Variants in SCN2A observed in about 807,000 individuals in gnomAD.
SCN2A encodes sodium voltage-gated channel alpha subunit 2.
A neutral mutation model predicts 188.7 loss-of-function variants in SCN2A; 20 were observed. The observed-to-expected ratio is 0.11, with a 90% CI of 0.07 to 0.15. SCN2A has a LOEUF of 0.15. SCN2A is among the 10% of genes least tolerant of loss of function. SCN2A has a pLI of 1.00. For synonymous variants in SCN2A, 804 were observed against 833.1 expected, an observed-to-expected ratio of 0.97 and a Z score of 0.60; for missense variants, 1,278 against 2,445.0, an observed-to-expected ratio of 0.52 and a Z score of 10.07.
chr2:165,260,652 C>G lies in SCN2A; in HGVS notation c.-52+21012C>G, dbSNP rs947310879. Among the ~76,000 whole-genome samples, 4 of 151,998 alleles carry G rather than the reference C, an allele frequency of 2.6e-5. No individual in the cohort carries two copies. The South Asian group carries it at 6.2e-4, about 24-fold the overall frequency. ...TTCCAGGACTCAGATGAATACCAAACTCTGTGCAGTCCCTGATATAAAATG... is the reference window on the plus strand; with the variant it reads ...TTCCAGGACTCAGATGAATACCAAAGTCTGTGCAGTCCCTGATATAAAATG... On this transcript the variant is annotated intron_variant, in intron 1 of 26. Coordinates refer to ENST00000375437, the MANE Select transcript of SCN2A (RefSeq NM_001040142.2).
intron 1 of SCN2A, among the ~76,000 whole-genome samples, chr2:165,263,066 C>T (rs1052468952): frequency 6.2e-5 from 8 of 129,120 alleles, no homozygotes; most frequent in African/African-American, 2.5e-4. Flanking sequence ...TATTCACGTC[C>T]TTAGCCCACT....
chr2:165,278,006 C>A (rs985349369), intron 1 of SCN2A, among the ~76,000 whole-genome samples: 6 of 152,126 alleles, frequency 3.9e-5, no homozygotes, highest in Non-Finnish European at 7.4e-5. Context: ...AACAAATGTT[C>A]TTAAGCTTGA....
At chr2:165,309,041 T>G in intron 5 of SCN2A, 3 of 1,165,566 alleles carry the variant, frequency 2.6e-6, no homozygotes, top group Non-Finnish European at 3.8e-6. Context: ...TTGATGACAA[T>G]GCCATTTTCC....
chr2:165,368,059 G>A (rs1431194389), intron 19 of SCN2A, among the ~76,000 whole-genome samples: 4 of 152,154 alleles, frequency 2.6e-5, no homozygotes, highest in African/African-American at 9.7e-5. Flanking sequence ...CGTCCAGGAG[G>A]AATGAGTTTG....
Position 165,288,100 on chromosome 2 carries a change from A to T in SCN2A, c.-51-7673A>T, listed in dbSNP as rs147576886. Among the ~76,000 whole-genome samples, 1,245 of 152,220 alleles carry T rather than the reference A, an allele frequency of 8.2e-3. 16 individuals are homozygous for T. Among genetic ancestry groups the T allele is most frequent in the East Asian group, 0.027 (141 of 5,188 alleles). On this transcript the variant is annotated intron_variant, in intron 1 of 26. Transcript: ENST00000375437. ...GGCAGAAGTTTGCAAAATATGTGTC[A>T]CTCACTGAGATTGTTCAGCCCCTGA...
chr2:165,263,025 C>T (rs2106089976), intron 1 of SCN2A, among the ~76,000 whole-genome samples: 1 of 151,940 alleles, frequency 6.6e-6, no homozygotes, highest in African/African-American at 2.4e-5. Flanking sequence ...ATGTTTGTTG[C>T]CCATTTATAT....
rs1271110064 is a variant in SCN2A at position 165,389,435 on chromosome 2, A to T, written c.5629A>T (p.Ile1877Leu). The change falls in exon 27 of 27, where the codon ATA becomes TTA. Residue 1877 changes from isoleucine (I) to leucine (L), a missense_variant. By Grantham distance (5) the Ile-to-Leu change is conservative. This residue lies in a region of SCN2A where 54 missense variants were observed against 135.4 expected (regional missense o/e 0.40). Coordinates refer to ENST00000375437, the MANE Select transcript of SCN2A (RefSeq NM_001040142.2). The surrounding 1 kb of genome is among the most constrained non-coding windows in gnomAD (Gnocchi z 4.2). Reference sequence around the variant, plus strand: ...GAGTGGAGAGATGGATGCCCTTCGAATACAGATGGAAGAGCGATTCATGGC... The same window carrying T: ...GAGTGGAGAGATGGATGCCCTTCGATTACAGATGGAAGAGCGATTCATGGC... The part of the protein sequence containing the change: ...GESGEMDALR[I>L]QMEERFMASN... 1 of 1,613,988 alleles carries T rather than the reference A, an allele frequency of 6.2e-7. No individual in the cohort carries two copies. The highest frequency in any genetic ancestry group is 1.7e-5 in the Admixed American group (1 of 59,980).
intron 15 of SCN2A, 23 bp downstream of exon 15, chr2:165,342,492 T>A: frequency 1.2e-6 from 2 of 1,612,148 alleles, no homozygotes; most frequent in Non-Finnish European, 1.7e-6. Flanking sequence ...GGAGTGTTCA[T>A]AAAATGTACT....
intron 1 of SCN2A, chr2:165,293,898 A>G: frequency 1.0e-6 from 1 of 980,856 alleles, no homozygotes; most frequent in Non-Finnish European, 1.2e-6. Flanking sequence ...CCCGCCCTCT[A>G]GTGGTAGTTA....
chr2:165,321,469 T>C (rs1337402726), intron 11 of SCN2A, among the ~76,000 whole-genome samples: 10 of 152,184 alleles, frequency 6.6e-5, no homozygotes, highest in Non-Finnish European at 1.2e-4. Context: ...ACTGTATTAA[T>C]CTGTTTTCAT....
At chr2:165,310,836 A>G (rs1050909631) in intron 7 of SCN2A, 2 of 229,006 alleles carry the variant, frequency 8.7e-6, no homozygotes, top group Non-Finnish European at 1.7e-5. Flanking sequence ...AAGTAATTTC[A>G]TATTATGCCA....
intron 12 of SCN2A, among the ~76,000 whole-genome samples, chr2:165,325,941 T>A (rs1471979587): frequency 6.6e-6 from 1 of 152,174 alleles, no homozygotes; most frequent in Non-Finnish European, 1.5e-5. Context: ...AAATAAATAA[T>A]ATTTTGATCA....
intron 1 of SCN2A, among the ~76,000 whole-genome samples, chr2:165,293,507 A>C (rs949008264): frequency 6.6e-6 from 1 of 152,166 alleles, no homozygotes; most frequent in Non-Finnish European, 1.5e-5. Context: ...AGGCAATTGT[A>C]ATGCAATGGT....
intron 18 of SCN2A, among the ~76,000 whole-genome samples, chr2:165,366,717 C>CAA (rs10680037): frequency 0.68 from 85,145 of 125,270 alleles, 29,397 homozygotes; most frequent in East Asian, 0.74. Context: ...GACTCCCTCT[C>CAA]AAAAAAAAAA....
chr2:165,245,199 A>G (rs1380051407), intron 1 of SCN2A: 1 of 152,080 alleles, frequency 6.6e-6, no homozygotes, highest in African/African-American at 2.4e-5. Flanking sequence ...CTCACCTTGA[A>G]TTGTAGTTCC....
chr2:165,264,079 C>T (rs1694730737), intron 1 of SCN2A, among the ~76,000 whole-genome samples: 1 of 151,984 alleles, frequency 6.6e-6, no homozygotes, highest in African/African-American at 2.4e-5. Flanking sequence ...ACAATTATGT[C>T]CTCAGCAAAC....
intron 23 of SCN2A, among the ~76,000 whole-genome samples, chr2:165,379,674 A>T (rs1180823182): frequency 1.3e-5 from 2 of 151,670 alleles, no homozygotes; most frequent in African/African-American, 4.8e-5. Flanking sequence ...ATAAAATCTC[A>T]TCGAAGAATA....
At chr2:165,361,342 A>G (rs1230977334) in intron 17 of SCN2A, among the ~76,000 whole-genome samples, 1 of 152,050 alleles carries the variant, frequency 6.6e-6, no homozygotes, top group Non-Finnish European at 1.5e-5. Context: ...GGAAATCAAC[A>G]ATATCATAAG....
intron 1 of SCN2A, among the ~76,000 whole-genome samples, chr2:165,281,868 G>T (rs976826669): frequency 6.6e-6 from 1 of 152,128 alleles, no homozygotes; most frequent in Non-Finnish European, 1.5e-5. Flanking sequence ...AATAATTTGT[G>T]TTTGAATTTA....
Sources: allele counts gnomAD v4.1 joint callset (sites outside exome capture counted in the v4.1 genomes callset), GRCh38; gene constraint gnomAD v4.1.1; regional missense constraint gnomAD v4.1.1; non-coding constraint Gnocchi (gnomAD v3.1); transcripts MANE v1.5; gene names NCBI Gene and HGNC (gene_info 2026-07-23, HGNC 2026-07-21).